The following STPG2 variants were observed in gnomAD, a reference collection of about 807,000 sequenced individuals.
STPG2 encodes the protein sperm tail PG-rich repeat containing 2, also known as sperm-tail PG-rich repeat-containing protein 2.
A neutral mutation model predicts 54.2 loss-of-function variants in STPG2; 56 were observed. The ratio of observed to expected loss-of-function variants is 1.03; its 90% CI spans 0.83 to 1.29. The LOEUF is 1.29. Among genes scored for constraint, STPG2 ranks in the 50% most tolerant of loss-of-function variants. STPG2 has a pLI of 0.00. For missense variants in STPG2, 596 were observed against 544.9 expected (o/e 1.09, Z -0.93); for synonymous variants, 200 against 181.8 (o/e 1.10, Z -0.81).
chr4:98,006,481 C>A (rs1042403315), intron 5 of STPG2, among the ~76,000 whole-genome samples: 2 of 152,340 alleles, frequency 1.3e-5, no homozygotes, highest in Non-Finnish European at 2.9e-5. Flanking sequence ...AAATCATTCT[C>A]AATCCAGCCT....
At chr4:97,517,861 T>C (rs1370656540) in intron 4 of STPG2, among the ~76,000 whole-genome samples, 2 of 152,114 alleles carry the variant, frequency 1.3e-5, no homozygotes, top group Non-Finnish European at 2.9e-5. Context: ...TGCTACCTTG[T>C]TCATTTTCCT....
intron 8 of STPG2, among the ~76,000 whole-genome samples, chr4:97,933,300 C>A (rs1732620816): frequency 6.6e-6 from 1 of 151,926 alleles, no homozygotes; most frequent in Admixed American, 6.6e-5. Context: ...AAATTTTCTC[C>A]CACTCTCTAG....
intron 5 of STPG2, among the ~76,000 whole-genome samples, chr4:98,070,501 T>C (rs1737968662): frequency 6.6e-6 from 1 of 152,000 alleles, no homozygotes; most frequent in South Asian, 2.1e-4. Flanking sequence ...AGCATAGTAT[T>C]AGAAGTTCTG....
At chr4:98,018,558 G>A (rs1245706386) in intron 5 of STPG2, among the ~76,000 whole-genome samples, 1 of 152,158 alleles carries the variant, frequency 6.6e-6, no homozygotes. Flanking sequence ...GGGTCAAATG[G>A]TATTTCTAGA....
chr4:97,756,690 A>T (rs1387973834), intron 9 of STPG2, among the ~76,000 whole-genome samples: 1 of 152,110 alleles, frequency 6.6e-6, no homozygotes, highest in East Asian at 1.9e-4. Flanking sequence ...TCTTTTAGCA[A>T]GAACTCCCTC....
At chr4:97,798,153 T>C (rs1276440755) in intron 9 of STPG2, among the ~76,000 whole-genome samples, 1 of 152,228 alleles carries the variant, frequency 6.6e-6, no homozygotes, top group Non-Finnish European at 1.5e-5. Flanking sequence ...TCATCGATTT[T>C]TTGAAGGGAT....
rs539463754 is a variant in STPG2 at position 97,634,223 on chromosome 4, C to T, written c.1321-75106G>A. On this transcript the variant is annotated intron_variant, in intron 10 of 10. Transcript: ENST00000295268. Reference sequence around the variant, plus strand: ...ACCCTAACTGGGAGGCACCCTCCAGCAGGGGCACACTGACACCTCACACTT... The same window carrying T: ...ACCCTAACTGGGAGGCACCCTCCAGTAGGGGCACACTGACACCTCACACTT... Among the ~76,000 whole-genome samples, 16 of 152,264 alleles carry T rather than the reference C, an allele frequency of 1.1e-4. No homozygotes were observed. The South Asian group carries it at 1.9e-3, about 18-fold the overall frequency.
intron 4 of STPG2, among the ~76,000 whole-genome samples, chr4:97,482,963 T>C (rs540333206): frequency 9.9e-5 from 15 of 151,750 alleles, no homozygotes; most frequent in African/African-American, 3.6e-4. Context: ...AAACTAAGTA[T>C]CATATATGAA....
chr4:97,866,233 T>C (rs1729773203), intron 8 of STPG2, among the ~76,000 whole-genome samples: 1 of 151,960 alleles, frequency 6.6e-6, no homozygotes, highest in South Asian at 2.1e-4. Context: ...TACATTTTAA[T>C]ATAACTAAAA....
intron 4 of STPG2, among the ~76,000 whole-genome samples, chr4:97,442,650 T>C (rs1001681525): frequency 6.6e-6 from 1 of 152,094 alleles, no homozygotes; most frequent in African/African-American, 2.4e-5. Context: ...GAAGGCTTAT[T>C]TAACAGAGGG....
intron 5 of STPG2, among the ~76,000 whole-genome samples, chr4:98,021,121 T>G (rs1258687481): frequency 1.3e-5 from 2 of 151,514 alleles, no homozygotes; most frequent in Admixed American, 1.3e-4. Context: ...AGGGTGTCAA[T>G]TTTAGATCTT....
intron 5 of STPG2, among the ~76,000 whole-genome samples, chr4:98,032,946 T>C (rs947606655): frequency 6.6e-6 from 1 of 152,126 alleles, no homozygotes; most frequent in African/African-American, 2.4e-5. Context: ...AAGCAGTGTG[T>C]AGAGGGAAAT....
chr4:97,932,525 G>A (rs1015264777), intron 8 of STPG2, among the ~76,000 whole-genome samples: 1 of 151,698 alleles, frequency 6.6e-6, no homozygotes, highest in African/African-American at 2.4e-5. Context: ...TTCCCCCTGG[G>A]CCCCAAACAG....
intron 9 of STPG2, among the ~76,000 whole-genome samples, chr4:97,755,043 ATAAACT>A (rs1202878727): frequency 1.3e-5 from 2 of 152,214 alleles, no homozygotes; most frequent in Non-Finnish European, 2.9e-5. Context: ...AAAACAGAAA[ATAAACT>A]TAAATCAAGT....
intron 5 of STPG2, chr4:98,026,230 C>A (rs1294633646): frequency 1.9e-6 from 2 of 1,057,708 alleles, no homozygotes; most frequent in Non-Finnish European, 2.9e-6. Flanking sequence ...AGAAAGCAAG[C>A]CCCCTCAAGA....
chr4:97,865,915 TA>T (rs534095806), intron 8 of STPG2, among the ~76,000 whole-genome samples: 294 of 151,906 alleles, frequency 1.9e-3, no homozygotes, highest in African/African-American at 7.0e-3. Flanking sequence ...TAGGTAGCCA[TA>T]AAAAAGTGTG....
intron 8 of STPG2, among the ~76,000 whole-genome samples, chr4:97,848,425 C>T (rs1464447701): frequency 2.6e-5 from 4 of 152,044 alleles, no homozygotes; most frequent in Non-Finnish European, 5.9e-5. Context: ...TCAAATTTAT[C>T]GAGTAATTTT....
At chr4:97,718,842 C>G (rs1421978655) in intron 9 of STPG2, among the ~76,000 whole-genome samples, 4 of 151,994 alleles carry the variant, frequency 2.6e-5, no homozygotes, top group African/African-American at 9.6e-5. Context: ...GAATAAGAGA[C>G]AGCAGACTAC....
At chr4:97,868,800 C>A (rs538818877) in intron 8 of STPG2, among the ~76,000 whole-genome samples, 1 of 151,946 alleles carries the variant, frequency 6.6e-6, no homozygotes, top group East Asian at 1.9e-4. Context: ...AGTGTCAAAC[C>A]ATGTGTTTAC....
Sources: allele counts gnomAD v4.1 joint callset (sites outside exome capture counted in the v4.1 genomes callset), GRCh38; gene constraint gnomAD v4.1.1; transcripts MANE v1.5; gene names NCBI Gene and HGNC (gene_info 2026-07-23, HGNC 2026-07-21).